SPINK1: variants seen among roughly 807,000 people sequenced by gnomAD.
SPINK1 encodes the protein serine protease inhibitor Kazal-type 1.
In SPINK1, 5 loss-of-function variants were observed where a neutral mutation model predicts 9.5. The observed-to-expected ratio is 0.52, with a 90% CI of 0.27 to 1.10. The LOEUF is 1.10. Among genes scored for constraint, SPINK1 ranks in the 50% least tolerant of loss-of-function variants. SPINK1 has a pLI of 0.11. For synonymous variants in SPINK1, 37 were observed against 32.3 expected, an observed-to-expected ratio of 1.14 and a Z score of -0.49; for missense variants, 88 against 92.7, an observed-to-expected ratio of 0.95 and a Z score of 0.21.
At chr5:147,832,711 C>T (rs1289199452), upstream of SPINK1, among the ~76,000 whole-genome samples, 1 of 152,154 alleles carries the variant, frequency 6.6e-6, no homozygotes, top group African/African-American at 2.4e-5. Flanking sequence ...AATACTCTGG[C>T]TGTTGCTATG....
chr5:147,831,589 T>G lies in SPINK1; in HGVS notation c.-12A>C, dbSNP rs1756509667. On this transcript the variant is annotated 5_prime_UTR_variant, in exon 1 of 4. Transcript: ENST00000296695. The stretch of plus-strand genomic sequence containing the variant: ...CCTGTTACCTTCATGGCTGAAGTTC[T>G]GCGTCCAGAGGTCAGTTGAAAACTG... 2 of 1,613,272 alleles carry G rather than the reference T, an allele frequency of 1.2e-6. No individual in the cohort carries two copies. The highest frequency in any genetic ancestry group is 1.7e-6 in the Non-Finnish European group (2 of 1,179,744).
At chr5:147,824,763 C>T in intron 3 of SPINK1, 57 bp from the exon 4 acceptor site, 1 of 1,516,060 alleles carries the variant, frequency 6.6e-7, no homozygotes, top group African/African-American at 1.4e-5. Context: ...GAAAAAGTGA[C>T]TATGGGAGAA....
rs367798627 is a variant in SPINK1 at position 147,831,630 on chromosome 5, G to A, written c.-53C>T. On this transcript the variant is annotated 5_prime_UTR_variant, in exon 1 of 4. The change creates a new upstream start codon in the 5' untranslated region. Transcript: ENST00000296695. ...TTGAAAACTGCACCGCACTTACCAC[G>A]TCTCTTCAGAAGCCTGGGACTGGAA... is the stretch of plus-strand genomic sequence containing the variant. 1.8e-4 allele frequency: 283 copies of A among 1,608,372 alleles called. No homozygotes were observed. Among genetic ancestry groups the A allele is most frequent in the Middle Eastern group, 3.3e-4 (2 of 6,026 alleles).
At chr5:147,831,459 T>C (rs979154894) in intron 1 of SPINK1, 64 bp downstream of exon 1, 1 of 1,595,254 alleles carries the variant, frequency 6.3e-7, no homozygotes, top group South Asian at 1.1e-5. Context: ...TAGAAGATAA[T>C]GTGCTTCACA....
the SPINK1 span, among the ~76,000 whole-genome samples, chr5:147,838,392 G>A: frequency 6.6e-6 from 1 of 152,186 alleles, no homozygotes; most frequent in African/African-American, 2.4e-5. Context: ...GCAAGAGGGA[G>A]AGTGTATGAA....
upstream of SPINK1, among the ~76,000 whole-genome samples, chr5:147,835,844 T>G (rs1406431089): frequency 1.3e-5 from 2 of 152,158 alleles, no homozygotes; most frequent in Admixed American, 1.3e-4. Context: ...TTGACATAGC[T>G]GCAACTTAAT....
At chr5:147,834,867 C>A (rs948404942), upstream of SPINK1, among the ~76,000 whole-genome samples, 5 of 152,072 alleles carry the variant, frequency 3.3e-5, no homozygotes, top group Non-Finnish European at 7.4e-5. Flanking sequence ...TGTGAGCAGA[C>A]AAATACAGTT....
intron 1 of SPINK1, 55 bp downstream of exon 1, chr5:147,831,468 C>T: frequency 6.2e-7 from 1 of 1,606,808 alleles, no homozygotes; most frequent in African/African-American, 1.3e-5. Context: ...ATGTGCTTCA[C>T]AAAGCAACAG....
chr5:147,832,206 G>GT (rs772340570), upstream of SPINK1, among the ~76,000 whole-genome samples: 1 of 151,952 alleles, frequency 6.6e-6, no homozygotes, highest in Non-Finnish European at 1.5e-5. Flanking sequence ...GAGGGTGCTT[G>GT]TTGGAGCCAC....
upstream of SPINK1, among the ~76,000 whole-genome samples, chr5:147,834,379 A>G (rs888689630): frequency 6.6e-6 from 1 of 152,152 alleles, no homozygotes; most frequent in African/African-American, 2.4e-5. Flanking sequence ...AACTATTAAT[A>G]TATTCAAATA....
At chr5:147,834,541 A>G (rs1462476727), upstream of SPINK1, among the ~76,000 whole-genome samples, 1 of 152,098 alleles carries the variant, frequency 6.6e-6, no homozygotes, top group East Asian at 1.9e-4. Context: ...GGTTCTTTTC[A>G]TCTCAAATCA....
chr5:147,831,988 G>A (rs1212225766), upstream of SPINK1, among the ~76,000 whole-genome samples: 1 of 152,188 alleles, frequency 6.6e-6, no homozygotes, highest in Non-Finnish European at 1.5e-5. Context: ...ATAGCTACTA[G>A]AAAGAATTTT....
At chr5:147,831,833 A>AAAATAGTT, upstream of SPINK1, 1 of 1,355,928 alleles carries the variant, frequency 7.4e-7, no homozygotes, top group Non-Finnish European at 9.5e-7. Context: ...TTCTGTCAGG[A>AAAATAGTT]AAATAGTTCT....
rs1368749980 is a variant in SPINK1, at chr5:147,831,610, A to T, written c.-33T>A. 5 of 1,612,354 alleles carry T rather than the reference A, an allele frequency of 3.1e-6. No individual in the cohort carries two copies. In the Admixed American group the frequency reaches 8.3e-5, roughly 27 times the overall value. On this transcript the variant is annotated 5_prime_UTR_variant, in exon 1 of 4. Transcript: ENST00000296695. ...GTTCTGCGTCCAGAGGTCAGTTGAAAACTGCACCGCACTTACCACGTCTCT... is the reference window on the plus strand; with the variant it reads ...GTTCTGCGTCCAGAGGTCAGTTGAATACTGCACCGCACTTACCACGTCTCT...
At chr5:147,839,041 A>T in the SPINK1 span, among the ~76,000 whole-genome samples, 1 of 152,170 alleles carries the variant, frequency 6.6e-6, no homozygotes, top group African/African-American at 2.4e-5. Context: ...CATACTGCTA[A>T]TAAAGACATA....
At chr5:147,829,475 AC>A in intron 2 of SPINK1, 123 bp downstream of exon 2, 1 of 875,164 alleles carries the variant, frequency 1.1e-6, no homozygotes, top group East Asian at 2.6e-5. Context: ...TCTCACGTTA[AC>A]CCTCCCTAGC....
At chr5:147,834,586 C>T (rs1337508436), upstream of SPINK1, among the ~76,000 whole-genome samples, 4 of 152,054 alleles carry the variant, frequency 2.6e-5, no homozygotes, top group African/African-American at 4.8e-5. Flanking sequence ...CAGTAAGAAA[C>T]TTCCAATAAC....
At chr5:147,833,459 A>G (rs1413374308), upstream of SPINK1, among the ~76,000 whole-genome samples, 2 of 152,052 alleles carry the variant, frequency 1.3e-5, no homozygotes, top group African/African-American at 4.8e-5. Flanking sequence ...TTCTCCCTAC[A>G]GCTTCTTTTC....
the SPINK1 span, among the ~76,000 whole-genome samples, chr5:147,837,645 C>CT: frequency 6.7e-6 from 1 of 148,508 alleles, no homozygotes; most frequent in African/African-American, 2.5e-5. Flanking sequence ...CTTACATTAA[C>CT]TTCTTTTCTT....
Sources: gnomAD v4.1 joint callset for allele counts (sites outside exome capture counted in the v4.1 genomes callset) on GRCh38, gnomAD v4.1.1 for gene constraint, MANE v1.5 for transcripts, NCBI Gene and HGNC (gene_info 2026-07-23, HGNC 2026-07-21) for gene names.